OGG1: variants seen among roughly 807,000 people sequenced by gnomAD.
The protein encoded by OGG1 is 8-oxoguanine DNA glycosylase, also known as N-glycosylase/DNA lyase.
Under a neutral mutation model 42.3 loss-of-function variants are expected in OGG1, and 35 were observed. The ratio of observed to expected loss-of-function variants is 0.83; its 90% CI spans 0.63 to 1.10. The LOEUF (loss-of-function observed/expected upper bound fraction) is 1.10, where lower values mean the gene tolerates loss of function less well. Ranked by LOEUF, OGG1 falls within the 50% of genes least tolerant of loss-of-function variation. OGG1 has a pLI of 0.00. For synonymous variants in OGG1, 189 were observed against 179.0 expected (o/e 1.06, Z -0.44); for missense variants, 484 against 446.7 (o/e 1.08, Z -0.75).
chr3:9,762,762 G>T, intron 7 of OGG1: 1 of 677,432 alleles, frequency 1.5e-6, no homozygotes. Context: ...ACTAGAATGG[G>T]AGGAGGCAGT....
intron 2 of OGG1, among the ~76,000 whole-genome samples, chr3:9,773,630 C>CTTT (rs35023365): frequency 1.4e-5 from 2 of 143,174 alleles, no homozygotes; most frequent in African/African-American, 2.5e-5. Context: ...ATCTTTTCTT[C>CTTT]TTTTTTTTTT....
rs762986554 is a variant in OGG1 at position 9,751,104 on chromosome 3, C to G, written c.297C>G (p.Tyr99Ter). 9 of 1,614,168 alleles carry G rather than the reference C, an allele frequency of 5.6e-6. No individual in the cohort carries two copies. The highest frequency in any genetic ancestry group is 1.7e-5 in the Admixed American group (1 of 60,022). Residue 99 changes from tyrosine (Y) to a stop codon, truncating the protein, a stop_gained, in exon 2 of 7, where the codon TAC (tyrosine) becomes TAG (stop). Coordinates refer to ENST00000344629, the MANE Select transcript of OGG1 (RefSeq NM_002542.6). LOFTEE classifies it high-confidence loss of function. The stretch of plus-strand genomic sequence containing the variant: ...ACGAGCTGGAGGCCGTGCGCAAGTA[C>G]TTCCAGCTAGATGTTACCCTGGCTC... Reference protein sequence around the residue: ...TPDELEAVRKYFQLDVTLAQL... With the variant: ...TPDELEAVRK
chr3:9,756,134 T>A (rs895498337), intron 4 of OGG1, among the ~76,000 whole-genome samples: 1 of 152,124 alleles, frequency 6.6e-6, no homozygotes, highest in African/African-American at 2.4e-5. Context: ...CTGGCCAACA[T>A]GGTGAAACCC....
intron 4 of OGG1, 100 bp from the exon 5 acceptor site, chr3:9,756,371 C>A: frequency 8.5e-7 from 1 of 1,171,924 alleles, no homozygotes; most frequent in East Asian, 2.4e-5. Flanking sequence ...CAACAGTAAC[C>A]CCAGAGTGAA....
chr3:9,758,984 CA>C (rs2125566136), downstream of OGG1: 1 of 583,440 alleles, frequency 1.7e-6, no homozygotes, highest in African/African-American at 1.9e-5. Context: ...TGGGGCTCCT[CA>C]GTGCCCTCAG....
At position 9,750,331 on chromosome 3, in the gene OGG1, T is replaced by TCTAG; in HGVS notation, c.47_50dup (p.Thr19LeufsTer15). On this transcript the variant is annotated frameshift_variant, in exon 1 of 7. Coordinates refer to ENST00000344629, the MANE Select transcript of OGG1 (RefSeq NM_002542.6). LOFTEE classifies it high-confidence loss of function. ...TGCCCAGGCGCATGGGGCATCGTACTCTAGCCTCCACTCCTGCCCTGTGGG... is the reference window on the plus strand; with the variant it reads ...TGCCCAGGCGCATGGGGCATCGTACTCTAGCTAGCCTCCACTCCTGCCCTGTGGG... The TCTAG allele has an allele frequency of 6.2e-7, 1 of 1,613,958 alleles. No individual in the cohort carries two copies. Among genetic ancestry groups the TCTAG allele is most frequent in the Non-Finnish European group, 8.5e-7 (1 of 1,180,010 alleles).
chr3:9,783,919 A>T (rs1181647900), intron 3 of OGG1: 2 of 1,422,852 alleles, frequency 1.4e-6, no homozygotes, highest in East Asian at 5.2e-5. Context: ...CAGGTGATTT[A>T]GAGGCCAGCC....
chr3:9,763,252 G>A (rs1389951356), intron 7 of OGG1: 2 of 1,612,642 alleles, frequency 1.2e-6, no homozygotes, highest in Non-Finnish European at 1.7e-6. Flanking sequence ...AGGCATGGCG[G>A]TGTGCACCTG....
chr3:9,759,335 A>G, downstream of OGG1: 1 of 1,567,368 alleles, frequency 6.4e-7, no homozygotes, highest in Non-Finnish European at 8.8e-7. Context: ...TGTTTGTTGA[A>G]TGAAAGAGTG....
intron 2 of OGG1, 74 bp downstream of exon 2, chr3:9,751,266 T>A: frequency 6.7e-7 from 1 of 1,491,492 alleles, no homozygotes; most frequent in Non-Finnish European, 9.2e-7. Context: ...TTTTGCCACC[T>A]GTAAAATGGG....
At chr3:9,761,895 C>G (rs912529292), downstream of OGG1, 3 of 1,381,358 alleles carry the variant, frequency 2.2e-6, no homozygotes, top group Admixed American at 5.5e-5. Flanking sequence ...ATAAGAAAAT[C>G]AAGGAAGCTC....
chr3:9,761,758 C>A, downstream of OGG1: 1 of 1,613,882 alleles, frequency 6.2e-7, no homozygotes, highest in Non-Finnish European at 8.5e-7. Flanking sequence ...GATTCTCTGG[C>A]TTGAAGGGCA....
chr3:9,781,597 G>A, exon 3 of OGG1: 6 of 456,266 alleles, frequency 1.3e-5, no homozygotes, highest in Non-Finnish European at 2.6e-5. Flanking sequence ...GAGGCTGACA[G>A]GAGGTGGGTG....
chr3:9,785,162 G>A (rs1298873504), intron 3 of OGG1, among the ~76,000 whole-genome samples: 1 of 152,216 alleles, frequency 6.6e-6, no homozygotes, highest in Non-Finnish European at 1.5e-5. Flanking sequence ...TGTGCATGCA[G>A]ACACGCTGGG....
At chr3:9,753,327 G>A (rs1405911142) in intron 3 of OGG1, among the ~76,000 whole-genome samples, 2 of 136,450 alleles carry the variant, frequency 1.5e-5, no homozygotes, top group Admixed American at 1.4e-4. Context: ...CTGGGCGACA[G>A]GGCGACAGGG....
chr3:9,761,296 G>C (rs1284672176), downstream of OGG1: 1 of 718,036 alleles, frequency 1.4e-6, no homozygotes, highest in Non-Finnish European at 2.3e-6. Flanking sequence ...CACAGTGCTT[G>C]AAACATAGTA....
chr3:9,790,676 T>TA (rs2078707873), downstream of OGG1, among the ~76,000 whole-genome samples: 1 of 152,220 alleles, frequency 6.6e-6, no homozygotes, highest in Admixed American at 6.5e-5. Context: ...AGTACTTACT[T>TA]AGTGTCTGGC....
At chr3:9,785,845 C>G (rs1415029796) in intron 3 of OGG1, among the ~76,000 whole-genome samples, 3 of 152,124 alleles carry the variant, frequency 2.0e-5, no homozygotes, top group African/African-American at 7.2e-5. Flanking sequence ...GGTCATGTGA[C>G]AAGTTCTCTC....
At chr3:9,777,643 T>C (rs906695016) in intron 2 of OGG1, among the ~76,000 whole-genome samples, 1 of 152,080 alleles carries the variant, frequency 6.6e-6, no homozygotes, top group Non-Finnish European at 1.5e-5. Flanking sequence ...TCCTTGAAAG[T>C]TAAGTTTCTT....
Sources: allele counts gnomAD v4.1 joint callset (sites outside exome capture counted in the v4.1 genomes callset), GRCh38; gene constraint gnomAD v4.1.1; transcripts MANE v1.5; gene names NCBI Gene and HGNC (gene_info 2026-07-23, HGNC 2026-07-21).